DACH2: variants seen among roughly 807,000 people sequenced by gnomAD.
The protein encoded by DACH2 is dachshund family transcription factor 2.
Under a neutral mutation model 35.8 loss-of-function variants are expected in DACH2, and 17 were observed. The ratio of observed to expected loss-of-function variants is 0.48; its 90% CI spans 0.33 to 0.71. The LOEUF (loss-of-function observed/expected upper bound fraction) is 0.71. Ranked by LOEUF, DACH2 falls within the 30% of genes least tolerant of loss-of-function variation. DACH2 has a pLI of 0.02. For synonymous variants in DACH2, 195 were observed against 177.3 expected, an observed-to-expected ratio of 1.10 and a Z score of -0.79; for missense variants, 469 against 472.7, an observed-to-expected ratio of 0.99 and a Z score of 0.07.
In DACH2 at chrX:86,656,035, C is replaced by CA. The variant is rs374641050; in HGVS notation, c.772+4868_772+4869insA. Among the ~76,000 whole-genome samples, 12 of 100,384 alleles carry CA rather than the reference C, an allele frequency of 1.2e-4. 1 individual carries two copies. Among genetic ancestry groups the CA allele is most frequent in the South Asian group, 9.7e-4 (2 of 2,071 alleles). 87.2% of individuals were successfully genotyped at this position (100,384 alleles called of 115,157 possible). ...AGAGACCAAGAAATAAAGCTCCCCC[C>CA]CCCCACTAATCTGTACATAATGGCC... is the stretch of plus-strand genomic sequence containing the variant. On this transcript the variant is annotated intron_variant, in intron 4 of 11. Coordinates refer to ENST00000373125, the MANE Select transcript of DACH2 (RefSeq NM_053281.3).
chrX:86,826,325 C>T (rs1210785369), intron 11 of DACH2, among the ~76,000 whole-genome samples: 1 of 111,527 alleles, frequency 9.0e-6, no homozygotes, highest in Admixed American at 9.5e-5. Flanking sequence ...TCCATTATGA[C>T]ACCATTTGCA....
intron 2 of DACH2, among the ~76,000 whole-genome samples, chrX:86,424,766 G>A (rs747953416): frequency 8.1e-5 from 9 of 111,114 alleles, no homozygotes; most frequent in South Asian, 7.5e-4. Flanking sequence ...CCAGAGCTTC[G>A]AGAAAAGGCT....
Position 86,617,725 on chromosome X carries a change from G to A in DACH2, c.641-33311G>A, listed in dbSNP as rs973179196. 4.5e-5 allele frequency among the ~76,000 whole-genome samples: 5 copies of A among 111,797 alleles called. No homozygotes were observed. In the Admixed American group the frequency reaches 4.8e-4, roughly 11 times the overall value. ...ATTTCAAGTACAAGTACTATAAAAT[G>A]TGAATTATCAATGCAGAATAAGGGT... On this transcript the variant is annotated intron_variant, in intron 3 of 11. Coordinates refer to ENST00000373125, the MANE Select transcript of DACH2 (RefSeq NM_053281.3).
Position 86,529,476 on chromosome X carries a change from A to AT in DACH2, c.640+15100dup, listed in dbSNP as rs201967458. On this transcript the variant is annotated intron_variant, in intron 3 of 11. Transcript: ENST00000373125. ...TACACTCTACCCCCATGTGATCAACATTTTTTTTTTTTTTTGAGATGGAGT... is the reference window on the plus strand; with the variant it reads ...TACACTCTACCCCCATGTGATCAACATTTTTTTTTTTTTTTTGAGATGGAGT... Among the ~76,000 whole-genome samples the AT allele has an allele frequency of 7.4e-3, 681 of 92,205 alleles. 8 individuals are homozygous for AT. The highest frequency in any genetic ancestry group is 0.018 in the African/African-American group (463 of 25,535). The allele number at this position is 92,205 out of a possible 115,157, so 80.1% of individuals were successfully genotyped here.
chrX:86,585,383 A>T (rs1473380798), intron 3 of DACH2, among the ~76,000 whole-genome samples: 1 of 110,800 alleles, frequency 9.0e-6, no homozygotes, highest in Non-Finnish European at 1.9e-5. Flanking sequence ...GGTTTAATTA[A>T]TTAATTAATT....
chrX:86,224,376 T>C (rs752753522), intron 1 of DACH2, among the ~76,000 whole-genome samples: 1 of 111,922 alleles, frequency 8.9e-6, no homozygotes, highest in African/African-American at 3.2e-5. Context: ...GAAAAGCATG[T>C]TCCACATTAT....
At chrX:86,335,736 T>G (rs922610181) in intron 1 of DACH2, among the ~76,000 whole-genome samples, 1 of 111,835 alleles carries the variant, frequency 8.9e-6, no homozygotes, top group Non-Finnish European at 1.9e-5. Flanking sequence ...TGAATACTTT[T>G]TATTGCTTTC....
intron 1 of DACH2, among the ~76,000 whole-genome samples, chrX:86,183,589 G>A (rs1198141526): frequency 4.5e-5 from 5 of 111,795 alleles, no homozygotes; most frequent in Admixed American, 1.9e-4. Flanking sequence ...GTATTTTATT[G>A]AGGATTTTTG....
intron 1 of DACH2, among the ~76,000 whole-genome samples, chrX:86,172,160 A>G (rs1354611928): frequency 8.9e-6 from 1 of 112,367 alleles, no homozygotes; most frequent in Non-Finnish European, 1.9e-5. Flanking sequence ...GAAAGTTTAA[A>G]TTACTATCAA....
At chrX:86,328,214 A>G (rs1321119117) in intron 1 of DACH2, among the ~76,000 whole-genome samples, 1 of 111,825 alleles carries the variant, frequency 8.9e-6, no homozygotes, top group East Asian at 2.8e-4. Context: ...GATATTGTAC[A>G]AGGACTGAGA....
At chrX:86,573,019 T>C (rs1449314143) in intron 3 of DACH2, among the ~76,000 whole-genome samples, 1 of 111,321 alleles carries the variant, frequency 9.0e-6, no homozygotes, top group Non-Finnish European at 1.9e-5. Flanking sequence ...TTAACTTAGG[T>C]TACTGAGTTC....
At chrX:86,683,763 T>C (rs895757322) in intron 4 of DACH2, among the ~76,000 whole-genome samples, 6 of 111,534 alleles carry the variant, frequency 5.4e-5, no homozygotes, top group Non-Finnish European at 7.5e-5. Context: ...GCTTGATATG[T>C]CTAGATATTG....
At chrX:86,595,706 G>A (rs1296229325) in intron 3 of DACH2, among the ~76,000 whole-genome samples, 1 of 108,019 alleles carries the variant, frequency 9.3e-6, no homozygotes, top group East Asian at 2.9e-4. Context: ...TTCCTTTTCT[G>A]CATTTTCTGG....
Position 86,514,387 on chromosome X carries a change from G to T in DACH2, c.636G>T (p.Pro212=). 1 of 1,204,617 alleles carries T rather than the reference G, an allele frequency of 8.3e-7. No homozygotes were observed. The highest frequency in any genetic ancestry group is 1.8e-5 in the South Asian group (1 of 55,934). Residue 212 remains proline, a synonymous_variant, in exon 3 of 12, where the codon CCG becomes CCT. Transcript: ENST00000373125. ...TCTTATCGCCAGGACTTATCACTCC[G>T]ACAGGTAATAAAATCCATCTGATGA... The part of the protein sequence containing the change: ...PGLLSPGLIT[P]TGITAAAMAE...
intron 4 of DACH2, among the ~76,000 whole-genome samples, chrX:86,674,963 GA>G (rs1384382182): frequency 2.7e-5 from 3 of 110,156 alleles, no homozygotes; most frequent in Middle Eastern, 9.3e-3. Flanking sequence ...TATTGGAATT[GA>G]AAAAAACAAC....
chrX:86,293,866 T>A (rs2034372204), intron 1 of DACH2, among the ~76,000 whole-genome samples: 1 of 111,128 alleles, frequency 9.0e-6, no homozygotes, highest in Middle Eastern at 4.2e-3. Flanking sequence ...ATTTTTTCCT[T>A]CATTTCAACT....
At chrX:86,608,708 C>G (rs1051195691) in intron 3 of DACH2, among the ~76,000 whole-genome samples, 5 of 111,452 alleles carry the variant, frequency 4.5e-5, no homozygotes, top group African/African-American at 9.8e-5. Flanking sequence ...AATATTTTCA[C>G]CAGATATATT....
chrX:86,299,086 C>A (rs1315862626), intron 1 of DACH2, among the ~76,000 whole-genome samples: 2 of 111,919 alleles, frequency 1.8e-5, no homozygotes, highest in Non-Finnish European at 3.8e-5. Flanking sequence ...TAGAAAGTTT[C>A]TTTTTACTCT....
chrX:86,808,453 A>G (rs896097617), intron 7 of DACH2, among the ~76,000 whole-genome samples: 1 of 111,281 alleles, frequency 9.0e-6, no homozygotes, highest in African/African-American at 3.3e-5. Flanking sequence ...AAATACAACA[A>G]TTTGGGGATC....
Sources: allele counts gnomAD v4.1 joint callset (sites outside exome capture counted in the v4.1 genomes callset), GRCh38; gene constraint gnomAD v4.1.1; transcripts MANE v1.5; gene names NCBI Gene and HGNC (gene_info 2026-07-23, HGNC 2026-07-21).